Variants in DENND1B observed in about 807,000 individuals in gnomAD.
DENND1B encodes DENN domain-containing protein 1B.
A neutral mutation model predicts 90.1 loss-of-function variants in DENND1B; 59 were observed. That is an observed-to-expected ratio of 0.65 (90% confidence interval 0.53 to 0.81). The LOEUF is 0.81. DENND1B is among the 40% of genes least tolerant of loss of function. The pLI is 0.00. For missense variants in DENND1B, 862 were observed against 912.6 expected (o/e 0.94, Z 0.71); for synonymous variants, 337 against 324.6 (o/e 1.04, Z -0.41).
chr1:197,546,069 C>T, intron 17 of DENND1B, 79 bp from the exon 18 acceptor site: 1 of 1,217,660 alleles, frequency 8.2e-7, no homozygotes, highest in African/African-American at 1.5e-5. Context: ...CAGTAAGTTG[C>T]ATATTTAAAA....
At chr1:197,556,062 T>C (rs1346301850) in intron 15 of DENND1B, among the ~76,000 whole-genome samples, 1 of 152,012 alleles carries the variant, frequency 6.6e-6, no homozygotes, top group Non-Finnish European at 1.5e-5. Flanking sequence ...AACCAATAAA[T>C]GATGCTGGAG....
rs1054074169 is a variant in DENND1B, at chr1:197,511,063, T to C, written c.1816-91A>G. The C allele has an allele frequency of 1.1e-5, 14 of 1,258,758 alleles. No homozygotes were observed. In the East Asian group the frequency reaches 3.8e-4, roughly 34 times the overall value. The allele number at this position is 1,258,758 out of a possible 1,614,324, so 78.0% of individuals were successfully genotyped here. A position where few individuals can be genotyped will look rare whatever the true frequency, so the allele number is the denominator to read the frequency against. On this transcript the variant is annotated intron_variant, in intron 22 of 22. Transcript: ENST00000620048. ...TCTTTTGAAATAAATGTTAATAGCG[T>C]TAAGTTCCTCCCAGAGAAAATACAG... is the stretch of plus-strand genomic sequence containing the variant.
At position 197,672,046 on chromosome 1, in the gene DENND1B, C is replaced by T. The variant is rs1207192234; in HGVS notation, c.287G>A (p.Cys96Tyr). Reference sequence around the variant, plus strand: ...TACTACAAATACTCACCTAAGGATGCATAAACAAATTGTGCCTCCTGACGT... The same window carrying T: ...TACTACAAATACTCACCTAAGGATGTATAAACAAATTGTGCCTCCTGACGT... Reference protein sequence around the residue: ...RLTSGGTICLCILSYLPWFEV... With the variant: ...RLTSGGTICLYILSYLPWFEV... The change falls in exon 5 of 23, where the codon TGC becomes TAC. Residue 96 changes from cysteine to tyrosine, a missense_variant. Physicochemically the swap from Cys to Tyr is radical, Grantham distance 194. Transcript: ENST00000620048. 1.2e-6 allele frequency: 2 copies of T among 1,611,814 alleles called. No individual in the cohort carries two copies. The highest frequency in any genetic ancestry group is 1.1e-5 in the South Asian group (1 of 90,816).
intron 2 of DENND1B, among the ~76,000 whole-genome samples, chr1:197,757,891 C>G (rs1571641599): frequency 6.6e-6 from 1 of 152,204 alleles, no homozygotes. Flanking sequence ...GAACCCTACA[C>G]TTTTGTAATA....
intron 15 of DENND1B, among the ~76,000 whole-genome samples, chr1:197,580,557 T>C (rs16841738): frequency 0.018 from 2,727 of 152,234 alleles, 88 homozygotes; most frequent in African/African-American, 0.062. Context: ...CTGGGGGCAC[T>C]AACATTTAGG....
intron 15 of DENND1B, among the ~76,000 whole-genome samples, chr1:197,562,399 T>C (rs1185216527): frequency 6.6e-6 from 1 of 151,972 alleles, no homozygotes; most frequent in Non-Finnish European, 1.5e-5. Flanking sequence ...TTACTTTGTG[T>C]CCCTGTGTCA....
At chr1:197,567,770 T>C (rs984109254) in intron 15 of DENND1B, among the ~76,000 whole-genome samples, 1 of 152,094 alleles carries the variant, frequency 6.6e-6, no homozygotes, top group Admixed American at 6.6e-5. Flanking sequence ...ACACTCATGA[T>C]GAAAACACTT....
chr1:197,672,949 C>T (rs890066319), intron 4 of DENND1B, among the ~76,000 whole-genome samples: 2 of 151,918 alleles, frequency 1.3e-5, no homozygotes, highest in African/African-American at 2.4e-5. Flanking sequence ...CATAACCGAA[C>T]TTTTGCTTCC....
chr1:197,653,211 A>G (rs1653430529), intron 6 of DENND1B, among the ~76,000 whole-genome samples: 1 of 152,116 alleles, frequency 6.6e-6, no homozygotes, highest in Non-Finnish European at 1.5e-5. Flanking sequence ...CATAAAAAGA[A>G]CAAAAACAAT....
upstream of DENND1B, among the ~76,000 whole-genome samples, chr1:197,776,892 G>A (rs995766670): frequency 3.3e-5 from 5 of 151,960 alleles, no homozygotes; most frequent in African/African-American, 9.7e-5. Context: ...TCAGTTTCTC[G>A]GTTCCTACAT....
intron 3 of DENND1B, among the ~76,000 whole-genome samples, chr1:197,675,000 G>A (rs1357936816): frequency 2.6e-5 from 4 of 151,910 alleles, no homozygotes; most frequent in East Asian, 1.9e-4. Context: ...GGCAAACAAA[G>A]TCTTAATAAT....
At chr1:197,722,662 T>C (rs1661291242) in intron 2 of DENND1B, among the ~76,000 whole-genome samples, 1 of 152,162 alleles carries the variant, frequency 6.6e-6, no homozygotes, top group African/African-American at 2.4e-5. Context: ...ACCTTCTCAA[T>C]CTGAAATTAA....
chr1:197,644,666 A>G (rs1225332327), intron 9 of DENND1B, among the ~76,000 whole-genome samples: 1 of 152,204 alleles, frequency 6.6e-6, no homozygotes, highest in African/African-American at 2.4e-5. Flanking sequence ...CCATACGAGC[A>G]ACTTGATGCA....
intron 7 of DENND1B, among the ~76,000 whole-genome samples, chr1:197,650,254 T>C (rs146566571): frequency 6.6e-6 from 1 of 152,304 alleles, no homozygotes; most frequent in East Asian, 1.9e-4. Flanking sequence ...AAAACATAAT[T>C]ATTCAATGTT....
intron 2 of DENND1B, among the ~76,000 whole-genome samples, chr1:197,745,633 T>C (rs1471409347): frequency 6.8e-6 from 1 of 146,582 alleles, no homozygotes; most frequent in East Asian, 2.0e-4. Context: ...TATATATATA[T>C]ATATATAATA....
At chr1:197,653,054 T>C (rs551811306) in intron 6 of DENND1B, among the ~76,000 whole-genome samples, 2 of 152,108 alleles carry the variant, frequency 1.3e-5, no homozygotes, top group South Asian at 4.1e-4. Context: ...GCAATTTTAA[T>C]AAGTTTGGAT....
chr1:197,753,782 C>G (rs563040787), intron 2 of DENND1B, among the ~76,000 whole-genome samples: 1 of 152,018 alleles, frequency 6.6e-6, no homozygotes, highest in Non-Finnish European at 1.5e-5. Flanking sequence ...AGGCAGATCG[C>G]CTGAAGTCAG....
chr1:197,657,587 C>T (rs1024136387), intron 6 of DENND1B, among the ~76,000 whole-genome samples: 6 of 151,996 alleles, frequency 3.9e-5, no homozygotes, highest in African/African-American at 1.5e-4. Flanking sequence ...AAGAAAAGAG[C>T]GAGTATTGGC....
chr1:197,677,154 C>T (rs1246067955), intron 3 of DENND1B, among the ~76,000 whole-genome samples: 1 of 152,070 alleles, frequency 6.6e-6, no homozygotes, highest in Non-Finnish European at 1.5e-5. Flanking sequence ...TCCTTCTCAA[C>T]CACTTTTGTC....
Sources: allele counts gnomAD v4.1 joint callset (sites outside exome capture counted in the v4.1 genomes callset), GRCh38; gene constraint gnomAD v4.1.1; transcripts MANE v1.5; gene names NCBI Gene and HGNC (gene_info 2026-07-23, HGNC 2026-07-21).